DSCAM: variants seen among roughly 807,000 people sequenced by gnomAD.
DSCAM encodes cell adhesion molecule DSCAM.
A neutral mutation model predicts 217.7 loss-of-function variants in DSCAM; 47 were observed. The observed-to-expected ratio is 0.22, with a 90% CI of 0.17 to 0.28. The LOEUF (loss-of-function observed/expected upper bound fraction) is 0.28, where lower values mean the gene tolerates loss of function less well. Among genes scored for constraint, DSCAM ranks in the 10% least tolerant of loss-of-function variants. DSCAM has a pLI of 1.00. For synonymous variants in DSCAM, 1,056 were observed against 1,015.3 expected, an observed-to-expected ratio of 1.04 and a Z score of -0.76; for missense variants, 2,080 against 2,618.3, an observed-to-expected ratio of 0.79 and a Z score of 4.49.
chr21:40,559,991 C>G (rs2076707001), intron 3 of DSCAM, among the ~76,000 whole-genome samples: 1 of 151,998 alleles, frequency 6.6e-6, no homozygotes, highest in African/African-American at 2.4e-5. Flanking sequence ...GACGGGGTTT[C>G]ACCGTGTTAG....
chr21:40,487,816 T>G (rs1417313959), intron 3 of DSCAM, among the ~76,000 whole-genome samples: 1 of 152,132 alleles, frequency 6.6e-6, no homozygotes, highest in Non-Finnish European at 1.5e-5. Flanking sequence ...GCATGAGTTT[T>G]CATAGATGGT....
chr21:40,372,178 C>A (rs1033331648), intron 3 of DSCAM, among the ~76,000 whole-genome samples: 1 of 152,200 alleles, frequency 6.6e-6, no homozygotes, highest in African/African-American at 2.4e-5. Flanking sequence ...ATTTTAACTG[C>A]TCCCTAACTT....
intron 20 of DSCAM, among the ~76,000 whole-genome samples, chr21:40,112,780 A>G (rs2089916701): frequency 6.6e-6 from 1 of 152,218 alleles, no homozygotes; most frequent in East Asian, 1.9e-4. Context: ...AGAGAATACT[A>G]TACACACCTC....
chr21:40,065,912 G>C (rs1212470054), intron 27 of DSCAM, among the ~76,000 whole-genome samples: 1 of 152,186 alleles, frequency 6.6e-6, no homozygotes, highest in South Asian at 2.1e-4. Flanking sequence ...CTTCCGTGCT[G>C]GTCCAAGCTG....
chr21:40,259,180 AG>A (rs1231337244), intron 11 of DSCAM, among the ~76,000 whole-genome samples: 1 of 152,234 alleles, frequency 6.6e-6, no homozygotes, highest in Non-Finnish European at 1.5e-5. Context: ...TATGCCTACT[AG>A]GAAAAAGGAA....
intron 32 of DSCAM, among the ~76,000 whole-genome samples, chr21:40,030,135 C>CA (rs2088491884): frequency 6.6e-6 from 1 of 152,214 alleles, no homozygotes; most frequent in South Asian, 2.1e-4. Flanking sequence ...CAGGCACACA[C>CA]ACATTCTCAC....
At chr21:40,364,134 T>C (rs1446416486) in intron 4 of DSCAM, among the ~76,000 whole-genome samples, 2 of 152,116 alleles carry the variant, frequency 1.3e-5, no homozygotes, top group African/African-American at 4.8e-5. Context: ...TCCTCAGGGA[T>C]CGAGAACTAG....
chr21:40,205,166 G>A (rs534225446), intron 11 of DSCAM, among the ~76,000 whole-genome samples: 46 of 152,198 alleles, frequency 3.0e-4, no homozygotes, highest in Admixed American at 3.9e-4. Context: ...CAGGGGAGAC[G>A]AACAGACACT....
chr21:40,539,430 A>G (rs2076526276), intron 3 of DSCAM, among the ~76,000 whole-genome samples: 1 of 151,954 alleles, frequency 6.6e-6, no homozygotes, highest in African/African-American at 2.4e-5. Flanking sequence ...CGGGAGGCAG[A>G]GCTTGCAGTG....
intron 3 of DSCAM, among the ~76,000 whole-genome samples, chr21:40,645,567 G>C (rs1216140821): frequency 6.6e-6 from 1 of 152,068 alleles, no homozygotes; most frequent in Non-Finnish European, 1.5e-5. Context: ...TAAGTAGTAT[G>C]AGAAGAATAG....
At chr21:40,679,776 C>T (rs1286051120) in intron 3 of DSCAM, among the ~76,000 whole-genome samples, 1 of 152,168 alleles carries the variant, frequency 6.6e-6, no homozygotes, top group Admixed American at 6.5e-5. Context: ...TAAAATCCTA[C>T]AGACTATTAG....
At chr21:40,484,230 T>C (rs1223376062) in intron 3 of DSCAM, among the ~76,000 whole-genome samples, 1 of 152,226 alleles carries the variant, frequency 6.6e-6, no homozygotes, top group Non-Finnish European at 1.5e-5. Flanking sequence ...GGCAGAATTG[T>C]GAAAGGTGGA....
At chr21:40,140,998 C>G (rs1055592221) in intron 18 of DSCAM, among the ~76,000 whole-genome samples, 10 of 152,136 alleles carry the variant, frequency 6.6e-5, no homozygotes, top group Non-Finnish European at 1.3e-4. Context: ...CATGTGGCAA[C>G]AAAGGCATGA....
chr21:40,680,678 A>G (rs917698140), intron 3 of DSCAM, among the ~76,000 whole-genome samples: 1 of 152,232 alleles, frequency 6.6e-6, no homozygotes, highest in African/African-American at 2.4e-5. Context: ...CTGGACAGCC[A>G]ATATTTTCAG....
At chr21:40,205,933 T>C (rs9974292) in intron 11 of DSCAM, among the ~76,000 whole-genome samples, 77,248 of 151,902 alleles carry the variant, frequency 0.51, 20,054 homozygotes, top group African/African-American at 0.63. Flanking sequence ...ATGCAATAAG[T>C]ATTGGAGGTT....
chr21:40,739,660 C>T (rs80099590), intron 1 of DSCAM, among the ~76,000 whole-genome samples: 3,320 of 152,222 alleles, frequency 0.022, 130 homozygotes, highest in African/African-American at 0.076. Context: ...CCAGTCACAT[C>T]CCGAGGTACT....
At chr21:40,374,316 A>G (rs1200243437) in intron 3 of DSCAM, among the ~76,000 whole-genome samples, 1 of 152,248 alleles carries the variant, frequency 6.6e-6, no homozygotes, top group Non-Finnish European at 1.5e-5. Flanking sequence ...AGCCTTTGTG[A>G]GCCAGACAGG....
chr21:40,651,110 C>T lies in DSCAM; in HGVS notation c.508+41700G>A, dbSNP rs573092321. Among the ~76,000 whole-genome samples the T allele has an allele frequency of 8.5e-5, 13 of 152,230 alleles. No individual in the cohort carries two copies. The South Asian group carries it at 2.5e-3, about 29-fold the overall frequency. On this transcript the variant is annotated intron_variant, in intron 3 of 32. Coordinates refer to ENST00000400454, the MANE Select transcript of DSCAM (RefSeq NM_001389.5). Reference sequence around the variant, plus strand: ...CACTATGGCTAGGATTCTGGGGCAGCTTTGTGGGTGCACAGCTGAAGATTT... The same window carrying T: ...CACTATGGCTAGGATTCTGGGGCAGTTTTGTGGGTGCACAGCTGAAGATTT...
intron 30 of DSCAM, among the ~76,000 whole-genome samples, chr21:40,044,681 C>A (rs1257057492): frequency 1.3e-5 from 2 of 152,104 alleles, no homozygotes; most frequent in African/African-American, 2.4e-5. Flanking sequence ...AATTACTGTG[C>A]TAGAGAATGA....
Sources: gnomAD v4.1 joint callset for allele counts (sites outside exome capture counted in the v4.1 genomes callset) on GRCh38, gnomAD v4.1.1 for gene constraint, MANE v1.5 for transcripts, NCBI Gene and HGNC (gene_info 2026-07-23, HGNC 2026-07-21) for gene names.